The following C1orf141 variants were observed in gnomAD, a reference collection of about 807,000 sequenced individuals.
C1orf141 encodes the protein uncharacterized protein C1orf141.
A neutral mutation model predicts 23.2 loss-of-function variants in C1orf141; 19 were observed. That is an observed-to-expected ratio of 0.82 (90% confidence interval 0.57 to 1.20). C1orf141 has a LOEUF of 1.20. C1orf141 is among the 50% of genes most tolerant of loss of function. The pLI, the probability that C1orf141 is intolerant of heterozygous loss-of-function variation, is 0.00. For missense variants in C1orf141, 469 were observed against 455.1 expected, an observed-to-expected ratio of 1.03 and a Z score of -0.28; for synonymous variants, 153 against 154.6, an observed-to-expected ratio of 0.99 and a Z score of 0.08.
rs1482768812 is a variant in C1orf141 at position 67,103,413 on chromosome 1, T to G, written c.347-7092A>C. On this transcript the variant is annotated intron_variant, in intron 5 of 7. Transcript: ENST00000684719. ...CATCAGGAAAAATGGAAAATTATCT[T>G]AGAAACTATTTCTTTCCGTGTATAT... The G allele has an allele frequency of 3.9e-6, 5 of 1,298,318 alleles. No individual in the cohort carries two copies. The African/African-American group carries it at 7.4e-5, about 19-fold the overall frequency. 80.4% of individuals were successfully genotyped at this position (1,298,318 alleles called of 1,614,324 possible). A position where few individuals can be genotyped will look rare whatever the true frequency, so the allele number is the denominator to read the frequency against.
At chr1:67,117,333 G>T (rs1409827393) in intron 4 of C1orf141, among the ~76,000 whole-genome samples, 1 of 152,288 alleles carries the variant, frequency 6.6e-6, no homozygotes, top group African/African-American at 2.4e-5. Flanking sequence ...TGAGGCAGGA[G>T]AATTGCTTGA....
chr1:67,129,553 C>A (rs1280253518), intron 2 of C1orf141, among the ~76,000 whole-genome samples: 1 of 152,158 alleles, frequency 6.6e-6, no homozygotes, highest in Non-Finnish European at 1.5e-5. Flanking sequence ...CCTCAGGTTG[C>A]ACACTGGGAA....
At chr1:67,136,682 C>T (rs1646588258), upstream of C1orf141, among the ~76,000 whole-genome samples, 1 of 152,138 alleles carries the variant, frequency 6.6e-6, no homozygotes, top group East Asian at 1.9e-4. Flanking sequence ...TCATCCTTTA[C>T]TTTTCATTCT....
upstream of C1orf141, among the ~76,000 whole-genome samples, chr1:67,138,318 GT>G (rs1211784962): frequency 6.6e-6 from 1 of 152,088 alleles, no homozygotes; most frequent in African/African-American, 2.4e-5. Context: ...GTGCTAGTTG[GT>G]CACTTAATGA....
At chr1:67,110,665 T>C (rs1646048013) in intron 5 of C1orf141, among the ~76,000 whole-genome samples, 1 of 151,978 alleles carries the variant, frequency 6.6e-6, no homozygotes, top group African/African-American at 2.4e-5. Context: ...TAAAATTTTA[T>C]AATTTTTACA....
intron 5 of C1orf141, among the ~76,000 whole-genome samples, chr1:67,105,403 C>A (rs1645902149): frequency 6.6e-6 from 1 of 150,726 alleles, no homozygotes. Flanking sequence ...CAGCCAACAT[C>A]ATCATTAATG....
chr1:67,107,094 G>C (rs999247931), intron 5 of C1orf141, among the ~76,000 whole-genome samples: 1 of 152,166 alleles, frequency 6.6e-6, no homozygotes, highest in African/African-American at 2.4e-5. Context: ...GCAAAGGTTT[G>C]GGGAAGTAAA....
intron 5 of C1orf141, among the ~76,000 whole-genome samples, chr1:67,102,976 T>C (rs1312519695): frequency 6.6e-6 from 1 of 152,098 alleles, no homozygotes; most frequent in Non-Finnish European, 1.5e-5. Flanking sequence ...GGTGAAAACA[T>C]ATGTTTTAAG....
chr1:67,130,044 G>A (rs1402955344), intron 2 of C1orf141, among the ~76,000 whole-genome samples: 1 of 152,152 alleles, frequency 6.6e-6, no homozygotes, highest in African/African-American at 2.4e-5. Context: ...GAATGCTGAT[G>A]ACTTTCTGGA....
intron 6 of C1orf141, chr1:67,095,653 G>C (rs996124664): frequency 1.1e-5 from 4 of 374,982 alleles, no homozygotes; most frequent in Non-Finnish European, 1.9e-5. Flanking sequence ...ATTTTGAGTG[G>C]GGACGAGTTG....
Position 67,123,287 on chromosome 1 carries a change from G to A in C1orf141, c.233+2465C>T, listed in dbSNP as rs377212330. On this transcript the variant is annotated intron_variant, in intron 4 of 7. Coordinates refer to ENST00000684719, the MANE Select transcript of C1orf141 (RefSeq NM_001276351.2). Reference sequence around the variant, plus strand: ...AGTTTGGTGAACATACTGGGAGATTGACAGCTTTTCTTTTTTTTAGTCCTC... The same window carrying A: ...AGTTTGGTGAACATACTGGGAGATTAACAGCTTTTCTTTTTTTTAGTCCTC... 3.3e-5 allele frequency: 5 copies of A among 151,910 alleles called. No homozygotes were observed. The East Asian group carries it at 7.7e-4, about 23-fold the overall frequency. 9.4% of individuals were successfully genotyped at this position (151,910 alleles called of 1,614,324 possible).
chr1:67,131,755 T>G (rs1214637452), intron 1 of C1orf141, among the ~76,000 whole-genome samples: 1 of 152,014 alleles, frequency 6.6e-6, no homozygotes, highest in African/African-American at 2.4e-5. Flanking sequence ...AAGCCTACTC[T>G]TTATGAAATA....
chr1:67,096,665 G>A (rs987337200), intron 5 of C1orf141, among the ~76,000 whole-genome samples: 3 of 152,188 alleles, frequency 2.0e-5, no homozygotes, highest in Admixed American at 6.5e-5. Flanking sequence ...GGTAGGCAGG[G>A]AAGACAGTTT....
intron 4 of C1orf141, among the ~76,000 whole-genome samples, chr1:67,120,604 C>T (rs924531205): frequency 6.6e-6 from 1 of 151,896 alleles, no homozygotes; most frequent in Non-Finnish European, 1.5e-5. Flanking sequence ...GGATTAGTGC[C>T]CTTATAAGAC....
intron 3 of C1orf141, 140 bp downstream of exon 3, chr1:67,127,026 T>C (rs769855754): frequency 6.3e-5 from 30 of 477,638 alleles, no homozygotes; most frequent in Non-Finnish European, 9.3e-5. Context: ...ACATTACATT[T>C]TCAACTAGTA....
upstream of C1orf141, chr1:67,138,966 G>C (rs1646608920): frequency 6.6e-6 from 1 of 152,358 alleles, no homozygotes; most frequent in African/African-American, 2.4e-5. Flanking sequence ...CTTCAGGGAA[G>C]AAGACTTCCT....
intron 5 of C1orf141, among the ~76,000 whole-genome samples, chr1:67,108,295 T>C (rs1448655367): frequency 6.6e-6 from 1 of 152,198 alleles, no homozygotes; most frequent in Non-Finnish European, 1.5e-5. Flanking sequence ...TGGTGCCTTA[T>C]TGCTGTGTCC....
intron 1 of C1orf141, among the ~76,000 whole-genome samples, chr1:67,132,125 G>A (rs1646526587): frequency 1.3e-5 from 2 of 151,058 alleles, no homozygotes; most frequent in Non-Finnish European, 2.9e-5. Context: ...TTGTCTCGGT[G>A]ACAGTCTATT....
chr1:67,099,650 A>T (rs1383527937), intron 5 of C1orf141, among the ~76,000 whole-genome samples: 3 of 152,146 alleles, frequency 2.0e-5, no homozygotes, highest in Non-Finnish European at 4.4e-5. Context: ...GTGGTGGTGC[A>T]CACCTGTAAT....
Sources: gnomAD v4.1 joint callset for allele counts (sites outside exome capture counted in the v4.1 genomes callset) on GRCh38, gnomAD v4.1.1 for gene constraint, MANE v1.5 for transcripts, NCBI Gene and HGNC (gene_info 2026-07-23, HGNC 2026-07-21) for gene names.